The following BICD1 variants were observed in gnomAD, a reference collection of about 807,000 sequenced individuals.
BICD1 encodes the protein BICD cargo adaptor 1.
In BICD1, 35 loss-of-function variants were observed where a neutral mutation model predicts 92.5. That is an observed-to-expected ratio of 0.38 (90% confidence interval 0.29 to 0.50). The LOEUF is 0.50. Ranked by LOEUF, BICD1 falls within the 20% of genes least tolerant of loss-of-function variation. The pLI is 0.93. For missense variants in BICD1, 950 were observed against 1,189.8 expected (o/e 0.80, Z 2.97); for synonymous variants, 429 against 465.1 (o/e 0.92, Z 1.00).
chr12:32,306,667 T>C (rs891961862), intron 4 of BICD1, among the ~76,000 whole-genome samples: 5 of 152,082 alleles, frequency 3.3e-5, no homozygotes, highest in Non-Finnish European at 7.4e-5. Context: ...CTTCAAGAAA[T>C]GAACTTCTGA....
At chr12:32,231,017 GATATT>G (rs1245149665) in intron 2 of BICD1, among the ~76,000 whole-genome samples, 1 of 152,172 alleles carries the variant, frequency 6.6e-6, no homozygotes, top group Non-Finnish European at 1.5e-5. Flanking sequence ...TTTGGAAAGT[GATATT>G]ATATTTGTCA....
At chr12:32,197,805 A>G (rs7135483) in intron 1 of BICD1, among the ~76,000 whole-genome samples, 51,899 of 152,066 alleles carry the variant, frequency 0.34, 9,357 homozygotes, top group Admixed American at 0.48. Context: ...TAGTCCCAGT[A>G]TGCCCGAGTT....
intron 2 of BICD1, among the ~76,000 whole-genome samples, chr12:32,269,688 G>A (rs1158069283): frequency 2.0e-5 from 3 of 152,106 alleles, no homozygotes; most frequent in African/African-American, 7.2e-5. Flanking sequence ...TAAACCTGAT[G>A]GCTGAGACAC....
intron 2 of BICD1, among the ~76,000 whole-genome samples, chr12:32,262,488 A>C (rs1026268253): frequency 2.0e-5 from 3 of 152,218 alleles, no homozygotes; most frequent in Non-Finnish European, 4.4e-5. Flanking sequence ...AGTAGATTGC[A>C]TAGTGGCCCC....
chr12:32,112,967 A>C (rs892237708), intron 1 of BICD1, among the ~76,000 whole-genome samples: 76 of 152,220 alleles, frequency 5.0e-4, no homozygotes, highest in African/African-American at 1.8e-3. Context: ...TGCATTATAC[A>C]GAAGAGGAAA....
At chr12:32,223,603 T>G (rs1205825619) in intron 2 of BICD1, among the ~76,000 whole-genome samples, 1 of 152,152 alleles carries the variant, frequency 6.6e-6, no homozygotes, top group African/African-American at 2.4e-5. Flanking sequence ...AGACCTTTCT[T>G]CATGTCAGAA....
chr12:32,298,870 CAAAA>C (rs59280755), intron 3 of BICD1, among the ~76,000 whole-genome samples: 1 of 56,106 alleles, frequency 1.8e-5, no homozygotes. Flanking sequence ...AACTCCATCT[CAAAA>C]AAAAAAAAAA....
intron 2 of BICD1, among the ~76,000 whole-genome samples, chr12:32,221,552 TG>T (rs1280703206): frequency 6.6e-6 from 1 of 151,560 alleles, no homozygotes; most frequent in African/African-American, 2.4e-5. Flanking sequence ...GGTGTGGTGG[TG>T]GGTGCCTGTC....
Position 32,328,160 on chromosome 12 carries a change from T to A in BICD1, c.1705T>A (p.Ser569Thr). The change falls in exon 5 of 10, where the codon TCA (serine) becomes ACA (threonine). Residue 569 changes from serine to threonine, a missense_variant. Ser to Thr is a moderately conservative substitution (Grantham distance 58). Coordinates refer to ENST00000652176, the MANE Select transcript of BICD1 (RefSeq NM_001714.4). The surrounding 1 kb of genome is among the most constrained non-coding windows in gnomAD (Gnocchi z 4.4). ...LSPRLARRGVSSPVETRTSSE... is the reference protein window; with the variant it reads ...LSPRLARRGVTSPVETRTSSE... ...CCCACGATTAGCCAGGCGGGGTGTG[T>A]CATCCCCGGTAGAAACAAGGACCTC... is the stretch of plus-strand genomic sequence containing the variant. 1 of 1,614,124 alleles carries A rather than the reference T, an allele frequency of 6.2e-7. No individual in the cohort carries two copies. The highest frequency in any genetic ancestry group is 8.5e-7 in the Non-Finnish European group (1 of 1,180,028).
chr12:32,276,736 C>T (rs1947285757), intron 2 of BICD1, among the ~76,000 whole-genome samples: 1 of 152,126 alleles, frequency 6.6e-6, no homozygotes, highest in Non-Finnish European at 1.5e-5. Flanking sequence ...AAGGAGCATT[C>T]TCCAATGCAG....
intron 1 of BICD1, among the ~76,000 whole-genome samples, chr12:32,158,711 C>A (rs1173682686): frequency 6.6e-6 from 1 of 152,142 alleles, no homozygotes; most frequent in Non-Finnish European, 1.5e-5. Context: ...TTATGCAGAG[C>A]TTTGTTAGAA....
chr12:32,327,631 C>T lies in BICD1; in HGVS notation c.1176C>T (p.Asp392=), dbSNP rs199850858. The T allele has an allele frequency of 8.7e-6, 14 of 1,613,760 alleles. No homozygotes were observed. Among genetic ancestry groups the T allele is most frequent in the African/African-American group, 5.3e-5 (4 of 74,876 alleles). ...GCAAGGAGCTCAAGGCTGAGCTGGA[C>T]GGGGAGAAGGGCCGGGACTCAGGGG... ...QSSKELKAEL[D]GEKGRDSGEE... Residue 392 remains aspartate, a synonymous_variant, in exon 5 of 10, where the codon GAC becomes GAT. Coordinates refer to ENST00000652176, the MANE Select transcript of BICD1 (RefSeq NM_001714.4).
chr12:32,239,875 TG>T (rs1946188743), intron 2 of BICD1, among the ~76,000 whole-genome samples: 1 of 152,100 alleles, frequency 6.6e-6, no homozygotes, highest in Non-Finnish European at 1.5e-5. Context: ...CCCAAAGTGC[TG>T]GGATTACAGG....
intron 2 of BICD1, among the ~76,000 whole-genome samples, chr12:32,246,312 A>G (rs79508315): frequency 7.2e-6 from 1 of 139,180 alleles, no homozygotes. Context: ...CCCATCAGGA[A>G]AAAAAAAAAA....
chr12:32,152,205 C>A (rs1943308706), intron 1 of BICD1, among the ~76,000 whole-genome samples: 2 of 151,880 alleles, frequency 1.3e-5, no homozygotes, highest in Admixed American at 1.3e-4. Flanking sequence ...GATCCACCTG[C>A]CTTGGCCTCC....
At chr12:32,203,591 C>G (rs1311824986) in intron 1 of BICD1, among the ~76,000 whole-genome samples, 4 of 152,138 alleles carry the variant, frequency 2.6e-5, no homozygotes, top group Admixed American at 2.6e-4. Context: ...AACCCCCGGC[C>G]CATTTCGGAT....
Position 32,107,222 on chromosome 12 carries a change from T to C in BICD1, c.-110T>C. The C allele has an allele frequency of 5.5e-6, 6 of 1,086,926 alleles. No homozygotes were observed. Among genetic ancestry groups the C allele is most frequent in the Non-Finnish European group, 6.6e-6 (5 of 761,704 alleles). The allele number at this position is 1,086,926 out of a possible 1,614,324, so 67.3% of individuals were successfully genotyped here. On this transcript the variant is annotated 5_prime_UTR_variant, in exon 1 of 10. Transcript: ENST00000652176. ...CGCTGCTCATTCATCCGGCCGCACT[T>C]TCTTTTCCGTTTCCACCCATCCCTT...
At chr12:32,138,097 C>T (rs1415951110) in intron 1 of BICD1, among the ~76,000 whole-genome samples, 1 of 152,152 alleles carries the variant, frequency 6.6e-6, no homozygotes, top group Non-Finnish European at 1.5e-5. Flanking sequence ...CCGTGCCTGG[C>T]CAAATATATA....
chr12:32,322,673 A>G (rs1948689623), intron 4 of BICD1, among the ~76,000 whole-genome samples: 2 of 152,076 alleles, frequency 1.3e-5, no homozygotes, highest in Admixed American at 1.3e-4. Context: ...ACAGTGTTCT[A>G]TTTGATGTTT....
Sources: allele counts gnomAD v4.1 joint callset (sites outside exome capture counted in the v4.1 genomes callset), GRCh38; gene constraint gnomAD v4.1.1; non-coding constraint Gnocchi (gnomAD v3.1); transcripts MANE v1.5; gene names NCBI Gene and HGNC (gene_info 2026-07-23, HGNC 2026-07-21).